Variants in ZNF512 observed in about 807,000 individuals in gnomAD.
ZNF512 encodes the protein zinc finger protein 512.
In ZNF512, 25 loss-of-function variants were observed where a neutral mutation model predicts 77.5. The observed-to-expected ratio is 0.32, with a 90% CI of 0.23 to 0.45. The LOEUF (loss-of-function observed/expected upper bound fraction) is 0.45, where lower values mean the gene tolerates loss of function less well. Among genes scored for constraint, ZNF512 ranks in the 20% least tolerant of loss-of-function variants. The pLI, the probability that ZNF512 is intolerant of heterozygous loss-of-function variation, is 1.00. For synonymous variants in ZNF512, 246 were observed against 239.9 expected, an observed-to-expected ratio of 1.03 and a Z score of -0.24; for missense variants, 483 against 692.6, an observed-to-expected ratio of 0.70 and a Z score of 3.40.
In ZNF512 at chr2:27,603,269, G is replaced by C. The variant is rs1310825463; in HGVS notation, c.898G>C (p.Ala300Pro). 1 of 1,613,856 alleles carries C rather than the reference G, an allele frequency of 6.2e-7. No homozygotes were observed. The highest frequency in any genetic ancestry group is 8.5e-7 in the Non-Finnish European group (1 of 1,179,958). The change falls in exon 9 of 14, where the codon GCT becomes CCT. Residue 300 changes from alanine (A) to proline (P), a missense_variant. Ala to Pro is a conservative substitution (Grantham distance 27). Around this residue, in one of 2 missense-constraint regions of ZNF512, gnomAD observed 324 missense variants for 525.0 expected, o/e 0.62. Coordinates refer to ENST00000355467, the MANE Select transcript of ZNF512 (RefSeq NM_032434.4). The part of the protein sequence containing the change: ...HHCGKPYRSK[A>P]GLAYHLRSEH... The stretch of plus-strand genomic sequence containing the variant: ...CTGTGGAAAACCATATAGGTCGAAG[G>C]CTGGACTTGCATATCACCTGAGGTC...
chr2:27,601,465 G>T (rs373506185), intron 7 of ZNF512, 23 bp downstream of exon 7: 125 of 1,587,328 alleles, frequency 7.9e-5, no homozygotes, highest in Non-Finnish European at 9.7e-5. Context: ...TCTGTCTTTT[G>T]TGAGTGTTTG....
intron 2 of ZNF512, among the ~76,000 whole-genome samples, chr2:27,590,206 C>T (rs1379465749): frequency 6.6e-6 from 1 of 152,130 alleles, no homozygotes; most frequent in Non-Finnish European, 1.5e-5. Context: ...TTAATTTTGT[C>T]AGTTTTCGCT....
At chr2:27,590,124 A>G (rs991901779) in intron 2 of ZNF512, among the ~76,000 whole-genome samples, 1 of 152,304 alleles carries the variant, frequency 6.6e-6, no homozygotes, top group Admixed American at 6.5e-5. Flanking sequence ...ATTTTTATCT[A>G]GTTCTATCAG....
chr2:27,611,331 A>T (rs1672653303), intron 10 of ZNF512, among the ~76,000 whole-genome samples: 1 of 152,066 alleles, frequency 6.6e-6, no homozygotes, highest in Non-Finnish European at 1.5e-5. Flanking sequence ...GATGCTGTTG[A>T]AGAGAACTGG....
chr2:27,600,437 T>C (rs1481650695), intron 5 of ZNF512, among the ~76,000 whole-genome samples: 1 of 152,230 alleles, frequency 6.6e-6, no homozygotes, highest in Non-Finnish European at 1.5e-5. Flanking sequence ...TGCTGCCTAA[T>C]TCTTGAAGCA....
chr2:27,585,701 C>T (rs1168942962), intron 2 of ZNF512, among the ~76,000 whole-genome samples: 2 of 152,136 alleles, frequency 1.3e-5, no homozygotes, highest in Non-Finnish European at 2.9e-5. Flanking sequence ...GCTAGGGGCT[C>T]TTAAAAATTT....
intron 9 of ZNF512, among the ~76,000 whole-genome samples, chr2:27,603,588 A>AT (rs1438667151): frequency 7.0e-4 from 21 of 30,152 alleles, no homozygotes; most frequent in Middle Eastern, 0.015. Context: ...GTGTGTGTGT[A>AT]TATTTTTTTT....
rs1028041220 is a variant in ZNF512, at chr2:27,601,583, C to T, written c.669+141C>T. On this transcript the variant is annotated intron_variant, in intron 7 of 13. Coordinates refer to ENST00000355467, the MANE Select transcript of ZNF512 (RefSeq NM_032434.4). The stretch of plus-strand genomic sequence containing the variant: ...TCCACCTCCTGGTTCAAGCGATTCT[C>T]GTGTCTCAGCCCCTTGAGTGGTTAG... The T allele has an allele frequency of 4.0e-5, 27 of 669,498 alleles. No homozygotes were observed. The East Asian group carries it at 6.3e-4, about 16-fold the overall frequency. The allele number at this position is 669,498 out of a possible 1,614,324, so 41.5% of individuals were successfully genotyped here.
In ZNF512 at chr2:27,622,005, G is replaced by A; in HGVS notation, c.*544G>A. 1 of 155,718 alleles carries A rather than the reference G, an allele frequency of 6.4e-6. No homozygotes were observed. The highest frequency in any genetic ancestry group is 1.4e-5 in the Non-Finnish European group (1 of 69,950). 9.6% of individuals were successfully genotyped at this position (155,718 alleles called of 1,614,324 possible). A position where few individuals can be genotyped will look rare whatever the true frequency, so the allele number is the denominator to read the frequency against. On this transcript the variant is annotated 3_prime_UTR_variant, in exon 14 of 14. Coordinates refer to ENST00000355467, the MANE Select transcript of ZNF512 (RefSeq NM_032434.4). The stretch of plus-strand genomic sequence containing the variant: ...TGGAGGCTGTTTGTCCTCTCAATAT[G>A]GTTTTAAGATTGAAAGTAAGAAAAC...
chr2:27,608,370 C>T (rs1223234909), intron 10 of ZNF512, among the ~76,000 whole-genome samples: 1 of 152,144 alleles, frequency 6.6e-6, no homozygotes, highest in Non-Finnish European at 1.5e-5. Context: ...TAAATGGTTT[C>T]AGTTTGTTTT....
In ZNF512 at chr2:27,598,062, A is replaced by G. The variant is rs1442079630; in HGVS notation, c.90-5A>G. The G allele has an allele frequency of 3.2e-6, 5 of 1,540,180 alleles. No homozygotes were observed. The African/African-American group carries it at 5.4e-5, about 17-fold the overall frequency. On this transcript the variant is annotated splice_polypyrimidine_tract_variant and splice_region_variant and intron_variant, in intron 2 of 13. Coordinates refer to ENST00000355467, the MANE Select transcript of ZNF512 (RefSeq NM_032434.4). ...TTTGTGGTATATATTTTTATGTTGTATTAGTAGCAGGACCCAGTGCTCCAT... is the reference window on the plus strand; with the variant it reads ...TTTGTGGTATATATTTTTATGTTGTGTTAGTAGCAGGACCCAGTGCTCCAT...
In ZNF512 at chr2:27,621,332, G is replaced by A. The variant is rs755663048; in HGVS notation, c.1575G>A (p.Lys525=). Residue 525 remains lysine (K), a synonymous_variant, in exon 14 of 14, where the codon AAG becomes AAA. Coordinates refer to ENST00000355467, the MANE Select transcript of ZNF512 (RefSeq NM_032434.4). ...CAGAGCTGAGTCTTAGAGTAGGGAA[G>A]GATCAGAGGAGGAATAATGAGGAAC... The part of the protein sequence containing the change: ...PETELSLRVG[K]DQRRNNEELV... 6 of 1,614,034 alleles carry A rather than the reference G, an allele frequency of 3.7e-6. No individual in the cohort carries two copies. In the Admixed American group the frequency reaches 6.7e-5, roughly 18 times the overall value.
rs986107548 is a variant in ZNF512 at position 27,621,988 on chromosome 2, G to C, written c.*527G>C. On this transcript the variant is annotated 3_prime_UTR_variant, in exon 14 of 14. Transcript: ENST00000355467. Reference sequence around the variant, plus strand: ...TTGGGAAAAAAACTTTATGGAGGCTGTTTGTCCTCTCAATATGGTTTTAAG... The same window carrying C: ...TTGGGAAAAAAACTTTATGGAGGCTCTTTGTCCTCTCAATATGGTTTTAAG... 2 of 156,378 alleles carry C rather than the reference G, an allele frequency of 1.3e-5. No homozygotes were observed. The highest frequency in any genetic ancestry group is 2.8e-5 in the Non-Finnish European group (2 of 70,356). The allele number at this position is 156,378 out of a possible 1,614,324, so 9.7% of individuals were successfully genotyped here.
chr2:27,619,637 T>C (rs1673039022), intron 13 of ZNF512, among the ~76,000 whole-genome samples: 1 of 152,164 alleles, frequency 6.6e-6, no homozygotes, highest in Non-Finnish European at 1.5e-5. Flanking sequence ...CACTACTTTT[T>C]TTTTTTTAAC....
At chr2:27,594,084 C>G (rs548192454) in intron 2 of ZNF512, among the ~76,000 whole-genome samples, 1 of 152,392 alleles carries the variant, frequency 6.6e-6, no homozygotes, top group African/African-American at 2.4e-5. Context: ...AAGGCTGTCA[C>G]TTCACACTTG....
At chr2:27,617,773 G>A (rs4666002) in intron 13 of ZNF512, among the ~76,000 whole-genome samples, 5 of 151,946 alleles carry the variant, frequency 3.3e-5, no homozygotes, top group East Asian at 1.9e-4. Context: ...AGGGGTGGGC[G>A]GGGTGGCTTA....
At chr2:27,593,782 CT>C (rs768572545) in intron 2 of ZNF512, among the ~76,000 whole-genome samples, 213 of 134,342 alleles carry the variant, frequency 1.6e-3, no homozygotes, top group Non-Finnish European at 1.4e-3. Context: ...TTCTTTCTTT[CT>C]TTTTTTTTTT....
chr2:27,600,773 G>A lies in ZNF512; in HGVS notation c.540G>A (p.Lys180=). The change falls in exon 6 of 14, where the codon AAG becomes AAA. Residue 180 remains lysine, a synonymous_variant. Transcript: ENST00000355467. ...CTACCTGCCAGGCAGTGGGGAGGAAGACCATAGAGGGTTTAAAGAAACACA... is the reference window on the plus strand; with the variant it reads ...CTACCTGCCAGGCAGTGGGGAGGAAAACCATAGAGGGTTTAAAGAAACACA... ...SCPTCQAVGR[K]TIEGLKKHME... 1 of 1,613,998 alleles carries A rather than the reference G, an allele frequency of 6.2e-7. No individual in the cohort carries two copies. The highest frequency in any genetic ancestry group is 8.5e-7 in the Non-Finnish European group (1 of 1,179,954).
chr2:27,615,337 T>C, intron 11 of ZNF512, 68 bp downstream of exon 11: 1 of 1,038,820 alleles, frequency 9.6e-7, no homozygotes, highest in Non-Finnish European at 1.4e-6. Flanking sequence ...CTGTTATTTA[T>C]TCCTTCATGA....
Sources: gnomAD v4.1 joint callset for allele counts (sites outside exome capture counted in the v4.1 genomes callset) on GRCh38, gnomAD v4.1.1 for gene constraint, gnomAD v4.1.1 regional missense constraint, MANE v1.5 for transcripts, NCBI Gene and HGNC (gene_info 2026-07-23, HGNC 2026-07-21) for gene names.